TRPM3: variants seen among roughly 807,000 people sequenced by gnomAD.
The protein encoded by TRPM3 is long transient receptor potential channel 3.
In TRPM3, 77 loss-of-function variants were observed where a neutral mutation model predicts 181.2. That is an observed-to-expected ratio of 0.42 (90% CI 0.35 to 0.51). The LOEUF is 0.51. Among genes scored for constraint, TRPM3 ranks in the 20% least tolerant of loss-of-function variants. The pLI is 0.01. For missense variants in TRPM3, 1,759 were observed against 2,196.7 expected (o/e 0.80, Z 3.98); for synonymous variants, 745 against 796.4 (o/e 0.94, Z 1.09).
intron 20 of TRPM3, among the ~76,000 whole-genome samples, chr9:70,600,761 C>CAAA (rs993686668): frequency 6.6e-6 from 1 of 152,168 alleles, no homozygotes; most frequent in Non-Finnish European, 1.5e-5. Flanking sequence ...CTTAACAGAG[C>CAAA]AAAAATCCGT....
chr9:70,532,880 T>G lies in TRPM3; in HGVS notation c.*3073A>C, dbSNP rs1376760711. 6.6e-6 allele frequency: 1 copy of G among 152,188 alleles called. No homozygotes were observed. Among genetic ancestry groups the G allele is most frequent in the Non-Finnish European group, 1.5e-5 (1 of 68,034 alleles). 9.4% of individuals were successfully genotyped at this position (152,188 alleles called of 1,614,324 possible). A position where few individuals can be genotyped will look rare whatever the true frequency, so the allele number is the denominator to read the frequency against. On this transcript the variant is annotated 3_prime_UTR_variant, in exon 26 of 26. Transcript: ENST00000677713. ...ATCAATGGGCTGAGCATAAGCTGAC[T>G]GCACAAGGCCACAGAATCAATGCCA... is the stretch of plus-strand genomic sequence containing the variant.
chr9:70,843,391 T>A (rs2094803718), intron 4 of TRPM3, among the ~76,000 whole-genome samples: 1 of 144,634 alleles, frequency 6.9e-6, no homozygotes, highest in Admixed American at 7.1e-5. Flanking sequence ...GCATCCAATG[T>A]CTATAAAAAG....
At position 71,151,882 on chromosome 9, in the gene TRPM3, C is replaced by T. The variant is rs189059284; in HGVS notation, c.184-287371G>A. Among the ~76,000 whole-genome samples the T allele has an allele frequency of 6.0e-3, 915 of 152,168 alleles. 3 individuals are homozygous for T. Among genetic ancestry groups the T allele is most frequent in the Non-Finnish European group, 8.9e-3 (608 of 67,976 alleles). On this transcript the variant is annotated intron_variant, in intron 1 of 24. Transcript: ENST00000357533. ...GTGTTTTTATTTTGCCAAAAACATT[C>T]GCTGAGCTCTCATGTGAAGGTTCTG...
At chr9:70,804,101 C>T (rs1190546215) in intron 6 of TRPM3, among the ~76,000 whole-genome samples, 4 of 151,902 alleles carry the variant, frequency 2.6e-5, no homozygotes, top group African/African-American at 9.7e-5. Flanking sequence ...GAGGCCGAGG[C>T]GGGTGGATCA....
chr9:71,101,127 G>A (rs1241418878), intron 1 of TRPM3, among the ~76,000 whole-genome samples: 2 of 152,048 alleles, frequency 1.3e-5, no homozygotes, highest in Non-Finnish European at 1.5e-5. Flanking sequence ...TACACTTACT[G>A]CCTCTACTTC....
At chr9:71,122,168 G>GTT (rs1348314643), upstream of TRPM3, among the ~76,000 whole-genome samples, 5 of 152,168 alleles carry the variant, frequency 3.3e-5, no homozygotes, top group East Asian at 9.6e-4. Context: ...TGCAACACAA[G>GTT]TTTAACCCAT....
chr9:70,894,763 T>A (rs542389022), intron 1 of TRPM3, among the ~76,000 whole-genome samples: 1 of 152,320 alleles, frequency 6.6e-6, no homozygotes, highest in Admixed American at 6.5e-5. Context: ...GTTTGCTACG[T>A]AAAGTTTAGT....
intron 1 of TRPM3, among the ~76,000 whole-genome samples, chr9:70,900,827 C>G (rs768722240): frequency 2.6e-5 from 4 of 152,224 alleles, no homozygotes; most frequent in Non-Finnish European, 5.9e-5. Flanking sequence ...GAGCAAGAAT[C>G]TATATCTGGC....
intron 1 of TRPM3, among the ~76,000 whole-genome samples, chr9:71,200,122 C>T (rs1228270369): frequency 7.2e-5 from 11 of 152,130 alleles, no homozygotes; most frequent in Middle Eastern, 6.8e-3. Flanking sequence ...GCCTTCATTT[C>T]GTTATGTACC....
At chr9:71,319,270 G>A (rs896999031) in intron 1 of TRPM3, among the ~76,000 whole-genome samples, 12 of 152,172 alleles carry the variant, frequency 7.9e-5, no homozygotes, top group East Asian at 7.7e-4. Flanking sequence ...GAGATGTATC[G>A]TGTGGGACTA....
chr9:71,254,439 C>G (rs541528604), intron 1 of TRPM3, among the ~76,000 whole-genome samples: 3 of 152,084 alleles, frequency 2.0e-5, no homozygotes, highest in Admixed American at 2.0e-4. Context: ...GTGACTTAGT[C>G]GGCAACAACG....
intron 1 of TRPM3, among the ~76,000 whole-genome samples, chr9:71,197,576 G>T (rs931019776): frequency 2.0e-5 from 3 of 151,958 alleles, no homozygotes; most frequent in African/African-American, 4.8e-5. Flanking sequence ...ACTGGTGTGA[G>T]ATGGCATCTC....
intron 24 of TRPM3, among the ~76,000 whole-genome samples, chr9:70,551,778 C>T (rs1361587059): frequency 6.6e-6 from 1 of 152,174 alleles, no homozygotes; most frequent in East Asian, 1.9e-4. Context: ...GGCTAGAGTT[C>T]CTGAGTCGAG....
intron 22 of TRPM3, among the ~76,000 whole-genome samples, chr9:70,560,050 G>A (rs2048687044): frequency 6.6e-6 from 1 of 152,156 alleles, no homozygotes; most frequent in Non-Finnish European, 1.5e-5. Context: ...GTGGAGATTT[G>A]GGAATAAACA....
intron 1 of TRPM3, among the ~76,000 whole-genome samples, chr9:70,959,128 A>C (rs144878327): frequency 0.012 from 1,806 of 151,998 alleles, 38 homozygotes; most frequent in African/African-American, 0.041. Flanking sequence ...CATTGTGCAC[A>C]TGTACCCTAA....
chr9:71,080,732 T>C (rs555278051), intron 1 of TRPM3, among the ~76,000 whole-genome samples: 3 of 152,240 alleles, frequency 2.0e-5, no homozygotes, highest in African/African-American at 7.2e-5. Context: ...CTTGAGGAAG[T>C]GCAACATTAA....
chr9:70,892,289 A>G (rs1323848463), intron 1 of TRPM3, among the ~76,000 whole-genome samples: 3 of 151,744 alleles, frequency 2.0e-5, no homozygotes, highest in African/African-American at 7.2e-5. Flanking sequence ...TATCATTCAG[A>G]AAAAGAGGCC....
chr9:71,254,598 T>C (rs1279906609), intron 1 of TRPM3, among the ~76,000 whole-genome samples: 3 of 152,224 alleles, frequency 2.0e-5, no homozygotes, highest in Non-Finnish European at 2.9e-5. Flanking sequence ...GATAAATATA[T>C]ATGATTATTG....
rs549287576 is a variant in TRPM3 at position 70,640,694 on chromosome 9, G to A, written c.1346-34C>T. ...GGACAAGTGGGAGAAAAGAGTGGAA[G>A]AGAGAAAACGACGATCAGTTATTAC... On this transcript the variant is annotated intron_variant, in intron 9 of 25. Coordinates refer to ENST00000677713, the MANE Select transcript of TRPM3 (RefSeq NM_001366145.2). The A allele has an allele frequency of 2.6e-6, 4 of 1,543,404 alleles. No homozygotes were observed. The South Asian group carries it at 4.5e-5, about 17-fold the overall frequency.
Sources: allele counts gnomAD v4.1 joint callset (sites outside exome capture counted in the v4.1 genomes callset), GRCh38; gene constraint gnomAD v4.1.1; transcripts MANE v1.5; gene names NCBI Gene and HGNC (gene_info 2026-07-23, HGNC 2026-07-21).